FLRT2: variants seen among roughly 807,000 people sequenced by gnomAD.
FLRT2 encodes the protein leucine-rich repeat transmembrane protein FLRT2.
A neutral mutation model predicts 40.0 loss-of-function variants in FLRT2; 15 were observed. That is an observed-to-expected ratio of 0.38 (90% CI 0.25 to 0.58). FLRT2 has a LOEUF of 0.58. Among genes scored for constraint, FLRT2 ranks in the 20% least tolerant of loss-of-function variants. FLRT2 has a pLI of 0.71. For missense variants in FLRT2, 726 were observed against 840.0 expected (o/e 0.86, Z 1.68); for synonymous variants, 380 against 336.8 (o/e 1.13, Z -1.41).
intron 1 of FLRT2, among the ~76,000 whole-genome samples, chr14:85,617,656 G>A (rs1246015362): frequency 6.6e-6 from 1 of 152,126 alleles, no homozygotes; most frequent in East Asian, 1.9e-4. Flanking sequence ...GGCTTAGGTG[G>A]TTGTAATTTT....
intron 1 of FLRT2, among the ~76,000 whole-genome samples, chr14:85,571,495 C>T (rs1270509309): frequency 6.6e-6 from 1 of 152,156 alleles, no homozygotes; most frequent in East Asian, 1.9e-4. Flanking sequence ...CTCTGCTGTT[C>T]CCTTCGATTG....
rs1350938825 is a variant in FLRT2 at position 85,651,109 on chromosome 14, T to C, written c.*27612T>C. The C allele has an allele frequency of 6.6e-6, 1 of 152,144 alleles. No homozygotes were observed. The highest frequency in any genetic ancestry group is 1.5e-5 in the Non-Finnish European group (1 of 68,032). 9.4% of individuals were successfully genotyped at this position (152,144 alleles called of 1,614,324 possible). On this transcript the variant is annotated 3_prime_UTR_variant, in exon 2 of 2. Coordinates refer to ENST00000330753, the MANE Select transcript of FLRT2 (RefSeq NM_013231.6). Reference sequence around the variant, plus strand: ...TGTAATTTTAAGTTAATATTCAGCTTTAAACTTTTCTAATTCAATTATCTT... The same window carrying C: ...TGTAATTTTAAGTTAATATTCAGCTCTAAACTTTTCTAATTCAATTATCTT...
chr14:85,594,347 G>A (rs1438653000), intron 1 of FLRT2, among the ~76,000 whole-genome samples: 2 of 152,112 alleles, frequency 1.3e-5, no homozygotes, highest in African/African-American at 4.8e-5. Flanking sequence ...GTTGTGTGTG[G>A]AATGTGTGTA....
Position 85,623,585 on chromosome 14 carries a change from TG to T in FLRT2, c.*89del. ...CACATAAAGACACGCAGATTACATT[TG>T]ATAAATGTTACACAGATGCATTTGT... On this transcript the variant is annotated 3_prime_UTR_variant, in exon 2 of 2. Transcript: ENST00000330753. 6.5e-6 allele frequency: 7 copies of T among 1,071,336 alleles called. No homozygotes were observed. The highest frequency in any genetic ancestry group is 2.7e-5 in the East Asian group (1 of 36,496). 66.4% of individuals were successfully genotyped at this position (1,071,336 alleles called of 1,614,324 possible).
In FLRT2 at chr14:85,542,446, C is replaced by T. The variant is rs547755489; in HGVS notation, c.-377+11912C>T. Among the ~76,000 whole-genome samples the T allele has an allele frequency of 2.6e-5, 4 of 152,088 alleles. No individual in the cohort carries two copies. In the East Asian group the frequency reaches 7.7e-4, roughly 29 times the overall value. The stretch of plus-strand genomic sequence containing the variant: ...GTTAGGCATGCCCCAGACCTCCAAG[C>T]TAGGAAACACATAGGCTTTTTCTGT... On this transcript the variant is annotated intron_variant, in intron 1 of 1. Coordinates refer to ENST00000330753, the MANE Select transcript of FLRT2 (RefSeq NM_013231.6).
intron 1 of FLRT2, among the ~76,000 whole-genome samples, chr14:85,619,239 G>T (rs1183506548): frequency 6.6e-6 from 1 of 151,554 alleles, no homozygotes; most frequent in Non-Finnish European, 1.5e-5. Context: ...TCATACCACC[G>T]CACCTGGCTA....
In FLRT2 at chr14:85,623,342, G is replaced by A. The variant is rs1893515759; in HGVS notation, c.1828G>A (p.Val610Ile). 2 of 1,519,954 alleles carry A rather than the reference G, an allele frequency of 1.3e-6. No homozygotes were observed. Among genetic ancestry groups the A allele is most frequent in the Non-Finnish European group, 1.8e-6 (2 of 1,135,422 alleles). 94.2% of individuals were successfully genotyped at this position (1,519,954 alleles called of 1,614,324 possible). ...LEMTETSFQI[V>I]SLNNDQLLKG... ...GATGACAGAAACCAGTTTTCAGATCGTCTCCTTAAATAACGATCAACTCCT... is the reference window on the plus strand; with the variant it reads ...GATGACAGAAACCAGTTTTCAGATCATCTCCTTAAATAACGATCAACTCCT... The change falls in exon 2 of 2, where the codon GTC becomes ATC. Residue 610 changes from valine to isoleucine, a missense_variant. Around this residue, in one of 3 missense-constraint regions of FLRT2, gnomAD observed 611 missense variants for 690.0 expected, o/e 0.89. Coordinates refer to ENST00000330753, the MANE Select transcript of FLRT2 (RefSeq NM_013231.6).
In FLRT2 at chr14:85,645,206, A is replaced by G. The variant is rs552413949; in HGVS notation, c.*21709A>G. The G allele has an allele frequency of 6.6e-6, 1 of 151,790 alleles. No homozygotes were observed. The highest frequency in any genetic ancestry group is 1.5e-5 in the Non-Finnish European group (1 of 67,978). 9.4% of individuals were successfully genotyped at this position (151,790 alleles called of 1,614,324 possible). ...TACCTATATATATGTATACATATGT[A>G]TATATGTACACATGTGTATATATGT... On this transcript the variant is annotated 3_prime_UTR_variant, in exon 2 of 2. Transcript: ENST00000330753.
chr14:85,590,955 C>T (rs1209441544), intron 1 of FLRT2, among the ~76,000 whole-genome samples: 1 of 152,118 alleles, frequency 6.6e-6, no homozygotes, highest in African/African-American at 2.4e-5. Context: ...CTGAGTCAGA[C>T]TTCTAATCAC....
At chr14:85,561,277 A>G (rs2139844944) in intron 1 of FLRT2, 1 of 152,184 alleles carries the variant, frequency 6.6e-6, no homozygotes. Context: ...GAGAGAGGAG[A>G]ACCAGCCTGG....
intron 1 of FLRT2, among the ~76,000 whole-genome samples, chr14:85,558,674 G>T (rs1397539891): frequency 1.3e-5 from 2 of 152,122 alleles, no homozygotes; most frequent in Non-Finnish European, 2.9e-5. Context: ...AAAAGAGAGG[G>T]GAAGATGTAA....
chr14:85,614,582 C>G (rs547327380), intron 1 of FLRT2, among the ~76,000 whole-genome samples: 18 of 152,276 alleles, frequency 1.2e-4, no homozygotes, highest in African/African-American at 3.4e-4. Flanking sequence ...GCTGGGTGGT[C>G]AAACGTTAGT....
chr14:85,536,648 T>C (rs1888679307), intron 1 of FLRT2, among the ~76,000 whole-genome samples: 1 of 152,118 alleles, frequency 6.6e-6, no homozygotes, highest in Non-Finnish European at 1.5e-5. Flanking sequence ...TTTTTTTTTT[T>C]TTTCCTTCTC....
intron 1 of FLRT2, among the ~76,000 whole-genome samples, chr14:85,601,566 C>T (rs1038311906): frequency 1.3e-5 from 2 of 152,140 alleles, no homozygotes; most frequent in African/African-American, 2.4e-5. Context: ...TAGGAAAAAG[C>T]ACAACTCTGG....
intron 1 of FLRT2, among the ~76,000 whole-genome samples, chr14:85,609,601 C>A (rs1409144681): frequency 6.6e-6 from 1 of 152,188 alleles, no homozygotes; most frequent in Non-Finnish European, 1.5e-5. Flanking sequence ...CCCCAAAAGA[C>A]AAAGTAACTC....
chr14:85,540,571 T>C (rs769087820), intron 1 of FLRT2, among the ~76,000 whole-genome samples: 7 of 152,198 alleles, frequency 4.6e-5, no homozygotes, highest in Non-Finnish European at 8.8e-5. Context: ...CTTGGTGAAA[T>C]CTATATTTAT....
At position 85,586,713 on chromosome 14, in the gene FLRT2, CAT is replaced by C. The variant is rs1168100346; in HGVS notation, c.-376-34423_-376-34422del. Among the ~76,000 whole-genome samples, 14 of 149,228 alleles carry C rather than the reference CAT, an allele frequency of 9.4e-5. No homozygotes were observed. The South Asian group carries it at 3.0e-3, about 32-fold the overall frequency. On this transcript the variant is annotated intron_variant, in intron 1 of 1. Transcript: ENST00000330753. ...ATATGTACACACACACACACACACACATATCTCAAAGTAAAAAGGAAAAAATA... is the reference window on the plus strand; with the variant it reads ...ATATGTACACACACACACACACACACATCTCAAAGTAAAAAGGAAAAAATA...
At chr14:85,549,310 G>A (rs1285228458) in intron 1 of FLRT2, among the ~76,000 whole-genome samples, 1 of 152,126 alleles carries the variant, frequency 6.6e-6, no homozygotes, top group Non-Finnish European at 1.5e-5. Flanking sequence ...CTGGGGGCTT[G>A]TGGGCAACTC....
intron 1 of FLRT2, among the ~76,000 whole-genome samples, chr14:85,566,781 A>T (rs958140698): frequency 1.3e-5 from 2 of 151,476 alleles, no homozygotes; most frequent in African/African-American, 4.9e-5. Context: ...CATGAAAAAA[A>T]AAAAAAGAAC....
Sources: gnomAD v4.1 joint callset for allele counts (sites outside exome capture counted in the v4.1 genomes callset) on GRCh38, gnomAD v4.1.1 for gene constraint, gnomAD v4.1.1 regional missense constraint, MANE v1.5 for transcripts, NCBI Gene and HGNC (gene_info 2026-07-23, HGNC 2026-07-21) for gene names.